Variants in CENPO observed in about 807,000 individuals in gnomAD.
CENPO encodes the protein centromeric protein O.
Under a neutral mutation model 36.1 loss-of-function variants are expected in CENPO, and 30 were observed. The ratio of observed to expected loss-of-function variants is 0.83; its 90% CI spans 0.62 to 1.13. CENPO has a LOEUF of 1.13. CENPO is among the 50% of genes most tolerant of loss of function. The probability of loss-of-function intolerance (pLI) is 0.00; values close to 1 mark genes in which losing one functional copy is unlikely to be tolerated. For synonymous variants in CENPO, 171 were observed against 142.3 expected, an observed-to-expected ratio of 1.20 and a Z score of -1.44; for missense variants, 349 against 357.8, an observed-to-expected ratio of 0.98 and a Z score of 0.20.
intron 2 of CENPO, among the ~76,000 whole-genome samples, 154 bp downstream of exon 2, chr2:24,794,119 C>G (rs1558365893): frequency 6.6e-6 from 1 of 152,176 alleles, no homozygotes. Flanking sequence ...GACAGGCAGC[C>G]AAGATTATTC....
intron 3 of CENPO, among the ~76,000 whole-genome samples, chr2:24,812,907 T>G (rs1164706496): frequency 2.7e-5 from 4 of 150,448 alleles, no homozygotes; most frequent in African/African-American, 4.9e-5. Context: ...CTGTAGTTTT[T>G]TTTTTTTTTT....
In CENPO at chr2:24,820,634, G is replaced by A; in HGVS notation, c.*1316G>A. On this transcript the variant is annotated 3_prime_UTR_variant, in exon 8 of 8. Coordinates refer to ENST00000380834, the MANE Select transcript of CENPO (RefSeq NM_001322101.2). ...CTCTGGACTTACTGTTCAGGGCCAG[G>A]GTGGGAGGCAGGGGCACGTGGGAAA... The A allele has an allele frequency of 6.3e-7, 1 of 1,574,872 alleles. No homozygotes were observed. The highest frequency in any genetic ancestry group is 1.2e-5 in the South Asian group (1 of 84,384).
intron 6 of CENPO, 144 bp from the exon 7 acceptor site, chr2:24,817,526 C>T: frequency 1.9e-6 from 2 of 1,058,052 alleles, no homozygotes; most frequent in Admixed American, 2.3e-5. Context: ...GGTTCCGATT[C>T]CCCCAGCTGC....
In CENPO at chr2:24,821,722, G is replaced by A. The variant is rs994601951; in HGVS notation, c.*2404G>A. ...CTGCTGCCTTCCCTGGCAGTGTTCTGGGGGTGGATTCCCTACACCTAGATG... is the reference window on the plus strand; with the variant it reads ...CTGCTGCCTTCCCTGGCAGTGTTCTAGGGGTGGATTCCCTACACCTAGATG... On this transcript the variant is annotated 3_prime_UTR_variant, in exon 8 of 8. Transcript: ENST00000380834. The A allele has an allele frequency of 6.4e-6, 10 of 1,558,266 alleles. No homozygotes were observed. The African/African-American group carries it at 1.1e-4, about 17-fold the overall frequency.
In CENPO at chr2:24,817,748, A is replaced by T; in HGVS notation, c.845A>T (p.Gln282Leu). The T allele has an allele frequency of 6.2e-7, 1 of 1,614,214 alleles. No individual in the cohort carries two copies. Among genetic ancestry groups the T allele is most frequent in the Non-Finnish European group, 8.5e-7 (1 of 1,180,034 alleles). ...ETLFCTKPLH[Q>L]VFASFTRKGE... The stretch of plus-strand genomic sequence containing the variant: ...CTGTTCTGTACGAAGCCCTTGCATC[A>T]AGTGTTTGCCTCATTTACAAGAAAA... Residue 282 changes from glutamine to leucine, a missense_variant, in exon 7 of 8, where the codon CAA becomes CTA. Coordinates refer to ENST00000380834, the MANE Select transcript of CENPO (RefSeq NM_001322101.2).
chr2:24,815,779 G>A, intron 5 of CENPO, 23 bp downstream of exon 5: 1 of 1,609,880 alleles, frequency 6.2e-7, no homozygotes, highest in Admixed American at 1.7e-5. Flanking sequence ...GATGTTATAT[G>A]CCTCATCCGT....
At chr2:24,804,284 T>C (rs1666283510) in intron 3 of CENPO, among the ~76,000 whole-genome samples, 2 of 152,198 alleles carry the variant, frequency 1.3e-5, no homozygotes, top group East Asian at 3.8e-4. Flanking sequence ...CTATCCAGTT[T>C]GCCAGTCTGT....
At chr2:24,803,246 T>C (rs1414350770) in intron 3 of CENPO, among the ~76,000 whole-genome samples, 1 of 151,566 alleles carries the variant, frequency 6.6e-6, no homozygotes, top group Non-Finnish European at 1.5e-5. Context: ...TTGCTAGCGG[T>C]CTATCAATTT....
At chr2:24,796,936 G>A (rs2148249515) in intron 2 of CENPO, among the ~76,000 whole-genome samples, 1 of 152,286 alleles carries the variant, frequency 6.6e-6, no homozygotes, top group African/African-American at 2.4e-5. Flanking sequence ...GCCTAGAGAA[G>A]GAGCAGCATG....
intron 3 of CENPO, among the ~76,000 whole-genome samples, chr2:24,803,571 T>C (rs1232129370): frequency 6.6e-6 from 1 of 152,226 alleles, no homozygotes; most frequent in East Asian, 1.9e-4. Flanking sequence ...TATTTCTGCC[T>C]TCATTTCGTT....
chr2:24,816,663 C>G lies in CENPO; in HGVS notation c.612C>G (p.Leu204=). ...ADRLQSDFAA[L]LTGPLQRNPL... ...CCTCTTAGAGTGACTTTGCAGCCCTCCTGACTGGGCCCTTGCAGAGAAACC... is the reference window on the plus strand; with the variant it reads ...CCTCTTAGAGTGACTTTGCAGCCCTGCTGACTGGGCCCTTGCAGAGAAACC... The change falls in exon 6 of 8, where the codon CTC becomes CTG. Residue 204 remains leucine (L), a synonymous_variant. Coordinates refer to ENST00000380834, the MANE Select transcript of CENPO (RefSeq NM_001322101.2). The G allele has an allele frequency of 6.2e-7, 1 of 1,609,552 alleles. No homozygotes were observed. Among genetic ancestry groups the G allele is most frequent in the Admixed American group, 1.7e-5 (1 of 59,346 alleles).
intron 3 of CENPO, among the ~76,000 whole-genome samples, chr2:24,806,364 A>T (rs1014203559): frequency 2.0e-5 from 3 of 152,192 alleles, no homozygotes; most frequent in Admixed American, 6.5e-5. Context: ...CAGAGAGATG[A>T]ACCTGGTACC....
chr2:24,797,706 A>G (rs1039446740), intron 2 of CENPO, among the ~76,000 whole-genome samples: 5 of 152,230 alleles, frequency 3.3e-5, no homozygotes, highest in Non-Finnish European at 5.9e-5. Flanking sequence ...TGAACAAGGC[A>G]TACCAACAGG....
In CENPO at chr2:24,819,876, A is replaced by G; in HGVS notation, c.*558A>G. ...ATCCAGGAAGGTCGGGACTTCCTTC[A>G]GTTTCAAAAAATAAATTCTCCCTTC... is the stretch of plus-strand genomic sequence containing the variant. On this transcript the variant is annotated 3_prime_UTR_variant, in exon 8 of 8. Transcript: ENST00000380834. 1 of 1,570,382 alleles carries G rather than the reference A, an allele frequency of 6.4e-7. No homozygotes were observed. Among genetic ancestry groups the G allele is most frequent in the Non-Finnish European group, 8.7e-7 (1 of 1,152,872 alleles).
At chr2:24,818,697 G>A (rs79682290) in intron 7 of CENPO, among the ~76,000 whole-genome samples, 33,055 of 152,110 alleles carry the variant, frequency 0.22, 3,744 homozygotes, top group Non-Finnish European at 0.25. Context: ...GGCGCCCCCC[G>A]GGTCTTCCCT....
chr2:24,811,756 C>T (rs965602704), intron 3 of CENPO, among the ~76,000 whole-genome samples: 22 of 152,020 alleles, frequency 1.4e-4, no homozygotes, highest in Admixed American at 8.5e-4. Flanking sequence ...CCACTGCGCC[C>T]GGCCAATTTT....
At chr2:24,798,739 C>T (rs568571470) in intron 2 of CENPO, among the ~76,000 whole-genome samples, 10 of 151,832 alleles carry the variant, frequency 6.6e-5, no homozygotes, top group Admixed American at 4.6e-4. Context: ...GGATTACAGG[C>T]GTGAGCCACC....
At position 24,816,764 on chromosome 2, in the gene CENPO, T is replaced by C; in HGVS notation, c.713T>C (p.Leu238Pro). 1.9e-6 allele frequency: 3 copies of C among 1,611,830 alleles called. No individual in the cohort carries two copies. Among genetic ancestry groups the C allele is most frequent in the Non-Finnish European group, 2.5e-6 (3 of 1,179,104 alleles). ...TCCTTCCCGTTCTGTGCTAGATTGC[T>C]GTATAAGGACCTCACAGCAACTCTT... ...GQSFPFCARL[L>P]YKDLTATLPT... is the part of the protein sequence containing the mutation. The change falls in exon 6 of 8, where the codon CTG (leucine) becomes CCG (proline). Residue 238 changes from leucine to proline, a missense_variant. Transcript: ENST00000380834.
chr2:24,813,102 G>A (rs906257010), intron 3 of CENPO, among the ~76,000 whole-genome samples: 2 of 151,668 alleles, frequency 1.3e-5, no homozygotes, highest in Non-Finnish European at 2.9e-5. Flanking sequence ...AAAAATTAGC[G>A]AGGCGTGGTG....
Sources: allele counts gnomAD v4.1 joint callset (sites outside exome capture counted in the v4.1 genomes callset), GRCh38; gene constraint gnomAD v4.1.1; transcripts MANE v1.5; gene names NCBI Gene and HGNC (gene_info 2026-07-23, HGNC 2026-07-21).